The following ZNF385D variants were observed in gnomAD, a reference collection of about 807,000 sequenced individuals.
ZNF385D encodes the protein zinc finger protein 385D.
Under a neutral mutation model 35.8 loss-of-function variants are expected in ZNF385D, and 15 were observed. The ratio of observed to expected loss-of-function variants is 0.42; its 90% confidence interval spans 0.28 to 0.64. The LOEUF (loss-of-function observed/expected upper bound fraction) is 0.64, where lower values mean the gene tolerates loss of function less well. Among genes scored for constraint, ZNF385D ranks in the 30% least tolerant of loss-of-function variants. The pLI, the probability that ZNF385D is intolerant of heterozygous loss-of-function variation, is 0.23. For synonymous variants in ZNF385D, 212 were observed against 186.8 expected (o/e 1.13, Z -1.10); for missense variants, 474 against 494.6 (o/e 0.96, Z 0.39).
chr3:22,244,858 G>C (rs562821681), intron 2 of ZNF385D, among the ~76,000 whole-genome samples: 3 of 142,980 alleles, frequency 2.1e-5, no homozygotes, highest in African/African-American at 8.1e-5. Context: ...ACTTGGGCTG[G>C]CATGTACCCA....
At chr3:22,091,058 T>C (rs74795666) in intron 3 of ZNF385D, among the ~76,000 whole-genome samples, 3,394 of 152,072 alleles carry the variant, frequency 0.022, 52 homozygotes, top group East Asian at 0.046. Flanking sequence ...ATTCAACAGG[T>C]GTTAGGCCAA....
At chr3:22,048,385 T>C (rs374087299) in intron 3 of ZNF385D, among the ~76,000 whole-genome samples, 2 of 152,300 alleles carry the variant, frequency 1.3e-5, no homozygotes, top group East Asian at 3.9e-4. Flanking sequence ...CCAGGTCTTA[T>C]ATTTAAGTCT....
chr3:22,346,761 T>A (rs962975562), intron 2 of ZNF385D, among the ~76,000 whole-genome samples: 3 of 152,208 alleles, frequency 2.0e-5, no homozygotes, highest in Admixed American at 2.0e-4. Context: ...CCCAGTGCAT[T>A]TTATACTAAT....
chr3:22,185,134 G>A (rs192949576), intron 2 of ZNF385D, among the ~76,000 whole-genome samples: 300 of 152,058 alleles, frequency 2.0e-3, no homozygotes, highest in African/African-American at 6.8e-3. Flanking sequence ...TACTTTACTC[G>A]ATCCAAAATT....
intron 2 of ZNF385D, among the ~76,000 whole-genome samples, chr3:22,314,985 A>G (rs924491644): frequency 6.6e-6 from 1 of 152,210 alleles, no homozygotes; most frequent in Non-Finnish European, 1.5e-5. Context: ...CATCACATGT[A>G]GGTCTTGAAG....
chr3:21,564,835 T>G (rs1436909784), intron 2 of ZNF385D, 151 bp from the exon 3 acceptor site: 1 of 416,744 alleles, frequency 2.4e-6, no homozygotes, highest in African/African-American at 2.0e-5. Context: ...ACAACATTTT[T>G]ACTTTCTTGG....
chr3:22,126,390 G>C (rs1369692306), intron 3 of ZNF385D, among the ~76,000 whole-genome samples: 1 of 137,248 alleles, frequency 7.3e-6, no homozygotes, highest in Admixed American at 7.6e-5. Flanking sequence ...GTTTGGGTAT[G>C]TTGTGTTTCC....
intron 3 of ZNF385D, among the ~76,000 whole-genome samples, chr3:21,772,711 T>C (rs2071128080): frequency 6.6e-6 from 1 of 151,878 alleles, no homozygotes; most frequent in South Asian, 2.1e-4. Context: ...TTCAATTCAG[T>C]TTCTAAAAGA....
intron 1 of ZNF385D, among the ~76,000 whole-genome samples, chr3:21,700,022 G>C (rs2067621223): frequency 1.3e-5 from 2 of 151,886 alleles, no homozygotes; most frequent in South Asian, 4.2e-4. Context: ...AGTAGAGACA[G>C]GGTTTCACCG....
At chr3:21,984,997 G>A (rs947227508) in intron 3 of ZNF385D, among the ~76,000 whole-genome samples, 33 of 151,498 alleles carry the variant, frequency 2.2e-4, no homozygotes, top group African/African-American at 7.5e-4. Flanking sequence ...GAATGCCTGT[G>A]ATTTTTGTAC....
chr3:21,633,014 A>T (rs1176677498), intron 2 of ZNF385D, among the ~76,000 whole-genome samples: 1 of 152,096 alleles, frequency 6.6e-6, no homozygotes, highest in Admixed American at 6.6e-5. Context: ...ATGTTATTAG[A>T]ATGGAATATT....
intron 3 of ZNF385D, among the ~76,000 whole-genome samples, chr3:21,982,313 G>A (rs931591248): frequency 2.0e-5 from 3 of 151,930 alleles, no homozygotes; most frequent in Non-Finnish European, 4.4e-5. Context: ...TGTATTTCTA[G>A]GTTTTCTAGG....
chr3:21,782,825 G>A (rs181373181), intron 3 of ZNF385D, among the ~76,000 whole-genome samples: 2 of 152,150 alleles, frequency 1.3e-5, no homozygotes, highest in Non-Finnish European at 1.5e-5. Flanking sequence ...TAAAAATGTA[G>A]GTCATGGTAT....
At chr3:21,929,273 C>G (rs576462295) in intron 3 of ZNF385D, among the ~76,000 whole-genome samples, 1 of 152,076 alleles carries the variant, frequency 6.6e-6, no homozygotes, top group African/African-American at 2.4e-5. Flanking sequence ...ACTCATTTAT[C>G]ATAAAACTCT....
intron 2 of ZNF385D, among the ~76,000 whole-genome samples, chr3:22,256,983 C>T (rs1402913931): frequency 1.3e-5 from 2 of 151,368 alleles, no homozygotes; most frequent in East Asian, 1.9e-4. Flanking sequence ...TATCCAAAAC[C>T]CAAGACCTCA....
chr3:22,012,333 G>T (rs757210757), intron 3 of ZNF385D, among the ~76,000 whole-genome samples: 2 of 152,114 alleles, frequency 1.3e-5, no homozygotes, highest in East Asian at 3.8e-4. Context: ...AAGATAAAAT[G>T]TTTGGTCGAT....
intron 3 of ZNF385D, among the ~76,000 whole-genome samples, chr3:22,014,984 T>A (rs1279948866): frequency 3.3e-5 from 5 of 152,154 alleles, no homozygotes; most frequent in Non-Finnish European, 7.4e-5. Context: ...AGAAATTTCA[T>A]TCATCATACA....
At chr3:21,535,877 T>G (rs543166702) in intron 3 of ZNF385D, among the ~76,000 whole-genome samples, 1 of 152,132 alleles carries the variant, frequency 6.6e-6, no homozygotes, top group South Asian at 2.1e-4. Context: ...CCATCGCTAG[T>G]CACCCTGAGT....
intron 3 of ZNF385D, among the ~76,000 whole-genome samples, chr3:21,866,323 G>A (rs941129235): frequency 3.3e-5 from 5 of 151,996 alleles, no homozygotes; most frequent in South Asian, 2.1e-4. Flanking sequence ...GCATGGTGGC[G>A]TGCACCTGTA....
Sources: gnomAD v4.1 joint callset for allele counts (sites outside exome capture counted in the v4.1 genomes callset) on GRCh38, gnomAD v4.1.1 for gene constraint, MANE v1.5 for transcripts, NCBI Gene and HGNC (gene_info 2026-07-23, HGNC 2026-07-21) for gene names.